NCKAP5: variants seen among roughly 807,000 people sequenced by gnomAD.
NCKAP5 encodes nck-associated protein 5.
NCKAP5 carries 92 observed loss-of-function variants against 167.0 expected under a neutral mutation model. The ratio of observed to expected loss-of-function variants is 0.55; its 90% confidence interval spans 0.47 to 0.66. The LOEUF (loss-of-function observed/expected upper bound fraction) is 0.66, where lower values mean the gene tolerates loss of function less well. Among genes scored for constraint, NCKAP5 ranks in the 30% least tolerant of loss-of-function variants. The pLI, the probability that NCKAP5 is intolerant of heterozygous loss-of-function variation, is 0.00. For missense variants in NCKAP5, 2,378 were observed against 2,315.0 expected (o/e 1.03, Z -0.56); for synonymous variants, 891 against 877.4 (o/e 1.02, Z -0.27).
At chr2:133,530,684 T>C (rs1244932909) in intron 2 of NCKAP5, among the ~76,000 whole-genome samples, 1 of 152,192 alleles carries the variant, frequency 6.6e-6, no homozygotes, top group African/African-American at 2.4e-5. Context: ...ACCCCTTGAA[T>C]CTGGTAGGGC....
intron 5 of NCKAP5, among the ~76,000 whole-genome samples, chr2:133,137,401 T>C (rs2082826809): frequency 7.2e-6 from 1 of 138,730 alleles, no homozygotes; most frequent in Non-Finnish European, 1.5e-5. Flanking sequence ...ATGCAGAGCT[T>C]GGTTTTGTGT....
intron 5 of NCKAP5, among the ~76,000 whole-genome samples, chr2:133,151,878 G>A (rs1045209211): frequency 5.3e-5 from 8 of 152,118 alleles, no homozygotes; most frequent in Admixed American, 2.0e-4. Context: ...GAGGTGGGGG[G>A]ACCTCACTTG....
At chr2:133,116,734 AG>A (rs1240864111) in intron 6 of NCKAP5, among the ~76,000 whole-genome samples, 1 of 152,188 alleles carries the variant, frequency 6.6e-6, no homozygotes, top group Non-Finnish European at 1.5e-5. Context: ...AGAACCCTTA[AG>A]GGACAGACAG....
intron 19 of NCKAP5, among the ~76,000 whole-genome samples, chr2:132,713,212 G>T (rs1248452877): frequency 6.6e-6 from 1 of 152,082 alleles, no homozygotes; most frequent in South Asian, 2.1e-4. Flanking sequence ...AGATGGAGGA[G>T]AGAATTCTAT....
intron 8 of NCKAP5, among the ~76,000 whole-genome samples, chr2:132,934,876 T>A (rs1249956875): frequency 2.6e-5 from 4 of 152,218 alleles, no homozygotes; most frequent in Non-Finnish European, 5.9e-5. Flanking sequence ...ACCTCTTGTA[T>A]GTGAATATAT....
In NCKAP5 at chr2:133,178,363, G is replaced by A. The variant is rs528932211; in HGVS notation, c.207+35353C>T. Among the ~76,000 whole-genome samples the A allele has an allele frequency of 3.7e-4, 56 of 151,904 alleles. 2 individuals carry two copies. In the South Asian group the frequency reaches 5.4e-3, roughly 15 times the overall value. On this transcript the variant is annotated intron_variant, in intron 5 of 19. Transcript: ENST00000409261. ...AAAACATGAAAATTATCCAGGTGTG[G>A]TTGTGGTGGGACAATCCTGTAGTCT...
chr2:133,035,549 T>C (rs1381238354), intron 6 of NCKAP5, among the ~76,000 whole-genome samples: 1 of 151,972 alleles, frequency 6.6e-6, no homozygotes, highest in Non-Finnish European at 1.5e-5. Context: ...ATTGAAATAA[T>C]ATCAAGCATC....
At chr2:133,377,304 A>T (rs1686214641) in intron 3 of NCKAP5, among the ~76,000 whole-genome samples, 1 of 152,218 alleles carries the variant, frequency 6.6e-6, no homozygotes, top group Non-Finnish European at 1.5e-5. Flanking sequence ...ATTATTTGAG[A>T]TTAGCCAAAG....
chr2:133,461,952 T>G (rs942560155), intron 3 of NCKAP5, among the ~76,000 whole-genome samples: 1 of 152,178 alleles, frequency 6.6e-6, no homozygotes, highest in African/African-American at 2.4e-5. Flanking sequence ...ATGTTTCCCT[T>G]TATGTTTGAG....
the NCKAP5 span, among the ~76,000 whole-genome samples, chr2:133,640,436 C>G: frequency 1.6e-4 from 24 of 152,218 alleles, no homozygotes; most frequent in Non-Finnish European, 1.6e-4. Flanking sequence ...CCACAGTGAT[C>G]TGGAGTCATT....
chr2:133,588,191 T>C, the NCKAP5 span, among the ~76,000 whole-genome samples: 1 of 152,152 alleles, frequency 6.6e-6, no homozygotes, highest in Admixed American at 6.5e-5. Flanking sequence ...TTGGAAATAC[T>C]ATTCTAATGT....
At chr2:133,307,459 A>G (rs1415289343) in intron 3 of NCKAP5, among the ~76,000 whole-genome samples, 1 of 152,204 alleles carries the variant, frequency 6.6e-6, no homozygotes, top group Non-Finnish European at 1.5e-5. Context: ...GGTAGAGTTA[A>G]CGGAAAACAA....
chr2:133,342,509 G>C (rs1456381713), intron 3 of NCKAP5, among the ~76,000 whole-genome samples: 3 of 152,212 alleles, frequency 2.0e-5, no homozygotes, highest in African/African-American at 7.2e-5. Flanking sequence ...GTGTGAGCCA[G>C]AGTCAGAGAG....
intron 3 of NCKAP5, among the ~76,000 whole-genome samples, chr2:133,477,574 A>G (rs2151303412): frequency 6.6e-6 from 1 of 152,318 alleles, no homozygotes; most frequent in Middle Eastern, 3.4e-3. Flanking sequence ...CTACACATAC[A>G]CACCCATGAT....
chr2:132,828,458 C>G (rs1047745212), intron 11 of NCKAP5, among the ~76,000 whole-genome samples: 1 of 152,094 alleles, frequency 6.6e-6, no homozygotes, highest in Non-Finnish European at 1.5e-5. Flanking sequence ...CTTGCTCCTG[C>G]TCCAGCCATG....
At chr2:133,563,774 T>C (rs968138371) in intron 1 of NCKAP5, among the ~76,000 whole-genome samples, 1 of 152,080 alleles carries the variant, frequency 6.6e-6, no homozygotes, top group Non-Finnish European at 1.5e-5. Flanking sequence ...CAAAACGTCA[T>C]TGTGGGTGAA....
chr2:132,929,288 A>C (rs1696173323), intron 8 of NCKAP5, among the ~76,000 whole-genome samples: 1 of 151,638 alleles, frequency 6.6e-6, no homozygotes, highest in Non-Finnish European at 1.5e-5. Context: ...AGACAGAGGC[A>C]ATGAAAAAAA....
chr2:133,632,017 A>G, the NCKAP5 span, among the ~76,000 whole-genome samples: 1 of 152,202 alleles, frequency 6.6e-6, no homozygotes, highest in African/African-American at 2.4e-5. Flanking sequence ...TAGACACACC[A>G]CAGCCTGGTC....
intron 3 of NCKAP5, among the ~76,000 whole-genome samples, chr2:133,433,151 A>G (rs765317347): frequency 1.1e-4 from 16 of 152,216 alleles, no homozygotes; most frequent in Non-Finnish European, 2.1e-4. Context: ...GGGAACAATG[A>G]AATATTACCT....
Sources: allele counts gnomAD v4.1 joint callset (sites outside exome capture counted in the v4.1 genomes callset), GRCh38; gene constraint gnomAD v4.1.1; transcripts MANE v1.5; gene names NCBI Gene and HGNC (gene_info 2026-07-23, HGNC 2026-07-21).